Variants in CYP11A1 observed in about 807,000 individuals in gnomAD.
CYP11A1 encodes cholesterol side-chain cleavage enzyme, mitochondrial.
CYP11A1 carries 25 observed loss-of-function variants against 51.9 expected under a neutral mutation model. The ratio of observed to expected loss-of-function variants is 0.48; its 90% CI spans 0.35 to 0.67. CYP11A1 has a LOEUF of 0.67. CYP11A1 is among the 30% of genes least tolerant of loss of function. The pLI, the probability that CYP11A1 is intolerant of heterozygous loss-of-function variation, is 0.00. For missense variants in CYP11A1, 578 were observed against 680.9 expected (o/e 0.85, Z 1.68); for synonymous variants, 245 against 262.1 (o/e 0.93, Z 0.63).
chr15:74,351,343 T>C (rs560333931), intron 1 of CYP11A1, among the ~76,000 whole-genome samples: 1 of 152,292 alleles, frequency 6.6e-6, no homozygotes, highest in Admixed American at 6.5e-5. Flanking sequence ...TTTTTGCCTA[T>C]GGTTCCTGAT....
At chr15:74,361,667 G>A in intron 1 of CYP11A1, 1 of 1,212,006 alleles carries the variant, frequency 8.3e-7, no homozygotes, top group East Asian at 2.5e-5. Context: ...TTCATGCTCT[G>A]AGCACTGGAG....
At chr15:74,356,934 G>A (rs776231141) in intron 1 of CYP11A1, among the ~76,000 whole-genome samples, 1 of 152,122 alleles carries the variant, frequency 6.6e-6, no homozygotes, top group Non-Finnish European at 1.5e-5. Context: ...CCCACAGCAT[G>A]CTTTAAAAAG....
At position 74,338,603 on chromosome 15, in the gene CYP11A1, C is replaced by A; in HGVS notation, c.1402G>T (p.Ala468Ser). 1.2e-6 allele frequency: 2 copies of A among 1,614,138 alleles called. No homozygotes were observed. The highest frequency in any genetic ancestry group is 1.7e-6 in the Non-Finnish European group (2 of 1,180,006). ...AGGAAGATGGTCATCTCTAGCTCAGCGATCCGCCGTCCCAGACACTGCCGC... is the reference window on the plus strand; with the variant it reads ...AGGAAGATGGTCATCTCTAGCTCAGAGATCCGCCGTCCCAGACACTGCCGC... ...GVRQCLGRRIAELEMTIFLIN... is the reference protein window; with the variant it reads ...GVRQCLGRRISELEMTIFLIN... Residue 468 changes from alanine to serine, a missense_variant, in exon 8 of 9, where the codon GCT (alanine) becomes TCT (serine). Transcript: ENST00000268053.
intron 1 of CYP11A1, among the ~76,000 whole-genome samples, chr15:74,361,025 A>G (rs1272496616): frequency 1.3e-5 from 2 of 152,194 alleles, no homozygotes. Flanking sequence ...AAGGTTACAA[A>G]AGGTTTTTGC....
intron 1 of CYP11A1, among the ~76,000 whole-genome samples, chr15:74,356,722 T>C (rs1208133716): frequency 2.0e-5 from 3 of 152,206 alleles, no homozygotes; most frequent in African/African-American, 7.2e-5. Flanking sequence ...TCTGCTTCCC[T>C]GACTATTCCT....
At chr15:74,366,206 C>A in intron 1 of CYP11A1, 3 of 985,038 alleles carry the variant, frequency 3.0e-6, no homozygotes, top group African/African-American at 1.7e-5. Flanking sequence ...CTGGGTCTGT[C>A]GCTAGCGCCA....
chr15:74,343,981 C>T lies in CYP11A1; in HGVS notation c.637G>A (p.Val213Ile), dbSNP rs773145475. The stretch of plus-strand genomic sequence containing the variant: ...ATCCCCTGGCGCTCCCCAAAAATGA[C>T]GTTAGTGATGGCTGCAGGGAGAGGA... Reference protein sequence around the residue: ...FRFAFESITNVIFGERQGMLE... With the variant: ...FRFAFESITNIIFGERQGMLE... Residue 213 changes from valine (V) to isoleucine (I), a missense_variant, in exon 4 of 9, where the codon GTC becomes ATC. Val to Ile is a conservative substitution (Grantham distance 29). Coordinates refer to ENST00000268053, the MANE Select transcript of CYP11A1 (RefSeq NM_000781.3). 2.8e-5 allele frequency: 45 copies of T among 1,613,910 alleles called. No individual in the cohort carries two copies. Among genetic ancestry groups the T allele is most frequent in the South Asian group, 2.7e-4 (25 of 91,068 alleles).
chr15:74,348,811 CA>C (rs2060643356), intron 1 of CYP11A1, among the ~76,000 whole-genome samples: 1 of 152,206 alleles, frequency 6.6e-6, no homozygotes, highest in Non-Finnish European at 1.5e-5. Context: ...CGGCTCACTG[CA>C]GCCCTGACCT....
intron 1 of CYP11A1, chr15:74,365,853 C>G: frequency 1.0e-6 from 1 of 985,730 alleles, no homozygotes; most frequent in Non-Finnish European, 1.2e-6. Context: ...CCGGGTCGCT[C>G]CCTGCTTCGC....
intron 1 of CYP11A1, chr15:74,356,461 CT>C (rs2060680483): frequency 6.6e-6 from 1 of 152,270 alleles, no homozygotes; most frequent in Non-Finnish European, 1.5e-5. Context: ...CTTTAGGTAA[CT>C]CTTACAGTGG....
chr15:74,343,368 G>A (rs1171861137), intron 4 of CYP11A1, among the ~76,000 whole-genome samples: 4 of 152,094 alleles, frequency 2.6e-5, no homozygotes. Flanking sequence ...CAGAGGTGCA[G>A]AGACATAGTC....
intron 1 of CYP11A1, among the ~76,000 whole-genome samples, chr15:74,354,275 T>C (rs1041793700): frequency 7.2e-5 from 11 of 152,154 alleles, no homozygotes; most frequent in African/African-American, 2.7e-4. Flanking sequence ...CTGATAACAT[T>C]ACCTTGTGAA....
intron 1 of CYP11A1, among the ~76,000 whole-genome samples, chr15:74,353,970 C>G (rs1596164679): frequency 6.6e-6 from 1 of 152,228 alleles, no homozygotes; most frequent in Non-Finnish European, 1.5e-5. Context: ...TTTAGGCTTC[C>G]TGATACTTTA....
At position 74,345,172 on chromosome 15, in the gene CYP11A1, T is replaced by C. The variant is rs559963981; in HGVS notation, c.497A>G (p.Asn166Ser). ...CACTGCATCCAACAGGGGCAAAAAGTTCTTGGTGGCCTCTGGAGCCATCAC... is the reference window on the plus strand; with the variant it reads ...CACTGCATCCAACAGGGGCAAAAAGCTCTTGGTGGCCTCTGGAGCCATCAC... ...QEVMAPEATK[N>S]FLPLLDAVSR... is the part of the protein sequence containing the mutation. Residue 166 changes from asparagine to serine, a missense_variant, in exon 3 of 9, where the codon AAC becomes AGC. Asn to Ser is a conservative substitution (Grantham distance 46). Coordinates refer to ENST00000268053, the MANE Select transcript of CYP11A1 (RefSeq NM_000781.3). This position sits in a 1 kb window ranked among gnomAD's most constrained non-coding sequence, Gnocchi z 4.3. 5 of 1,614,144 alleles carry C rather than the reference T, an allele frequency of 3.1e-6. No homozygotes were observed. In the East Asian group the frequency reaches 1.1e-4, roughly 36 times the overall value.
chr15:74,366,126 G>A, intron 1 of CYP11A1: 1 of 985,586 alleles, frequency 1.0e-6, no homozygotes, highest in Non-Finnish European at 1.2e-6. Context: ...GAGCAGGCCG[G>A]GGGCCACGCT....
At position 74,367,555 on chromosome 15, in the gene CYP11A1, C is replaced by A; in HGVS notation, c.31G>T (p.Val11Phe). 1.9e-6 allele frequency: 3 copies of A among 1,614,138 alleles called. No individual in the cohort carries two copies. Among genetic ancestry groups the A allele is most frequent in the Non-Finnish European group, 2.5e-6 (3 of 1,180,018 alleles). Residue 11 changes from valine (V) to phenylalanine (F), a missense_variant, in exon 1 of 9, where the codon GTC (valine) becomes TTC (phenylalanine). By Grantham distance (50) the Val-to-Phe change is conservative. Coordinates refer to ENST00000268053, the MANE Select transcript of CYP11A1 (RefSeq NM_000781.3). ...AAGGTCTGGCAGCCTTTGACCAGGACTGAGCGTGGGGGAAGACCCTTGGCC... is the reference window on the plus strand; with the variant it reads ...AAGGTCTGGCAGCCTTTGACCAGGAATGAGCGTGGGGGAAGACCCTTGGCC... The part of the protein sequence containing the change: MLAKGLPPRS[V>F]LVKGCQTFLS...
chr15:74,365,138 C>A (rs1415814491), intron 1 of CYP11A1, among the ~76,000 whole-genome samples: 1 of 151,986 alleles, frequency 6.6e-6, no homozygotes, highest in Non-Finnish European at 1.5e-5. Context: ...ACGTACTGTC[C>A]CTCCTGGTCT....
chr15:74,339,432 G>C, intron 6 of CYP11A1, 117 bp from the exon 7 acceptor site: 1 of 1,393,756 alleles, frequency 7.2e-7, no homozygotes, highest in South Asian at 1.2e-5. Context: ...GGACCTGGGG[G>C]TAGGGCCCTG....
At chr15:74,349,799 G>T (rs1000086776) in intron 1 of CYP11A1, among the ~76,000 whole-genome samples, 1 of 152,012 alleles carries the variant, frequency 6.6e-6, no homozygotes, top group South Asian at 2.1e-4. Context: ...TATATTAGAG[G>T]CCAGGCACAG....
Sources: gnomAD v4.1 joint callset for allele counts (sites outside exome capture counted in the v4.1 genomes callset) on GRCh38, gnomAD v4.1.1 for gene constraint, Gnocchi (gnomAD v3.1) non-coding constraint, MANE v1.5 for transcripts, NCBI Gene and HGNC (gene_info 2026-07-23, HGNC 2026-07-21) for gene names.